KCNH8: variants seen among roughly 807,000 people sequenced by gnomAD.
KCNH8 encodes voltage-gated delayed rectifier potassium channel KCNH8.
In KCNH8, 70 loss-of-function variants were observed where a neutral mutation model predicts 103.6. The observed-to-expected ratio is 0.68, with a 90% CI of 0.56 to 0.82. The LOEUF (loss-of-function observed/expected upper bound fraction) is 0.82, where lower values mean the gene tolerates loss of function less well. Ranked by LOEUF, KCNH8 falls within the 40% of genes least tolerant of loss-of-function variation. KCNH8 has a pLI of 0.00. For missense variants in KCNH8, 1,217 were observed against 1,329.9 expected (o/e 0.92, Z 1.32); for synonymous variants, 498 against 489.4 (o/e 1.02, Z -0.23).
At position 19,437,009 on chromosome 3, in the gene KCNH8, A is replaced by G. The variant is rs144566417; in HGVS notation, c.1178-1155A>G. On this transcript the variant is annotated intron_variant, in intron 7 of 15. Coordinates refer to ENST00000328405, the MANE Select transcript of KCNH8 (RefSeq NM_144633.3). ...AAGCACTTCTCCTTGGTCTCAAGGAATTCCCAGCTGCTTCAAATTTGCATT... is the reference window on the plus strand; with the variant it reads ...AAGCACTTCTCCTTGGTCTCAAGGAGTTCCCAGCTGCTTCAAATTTGCATT... Among the ~76,000 whole-genome samples the G allele has an allele frequency of 8.1e-4, 124 of 152,284 alleles. 1 individual carries two copies. The highest frequency in any genetic ancestry group is 2.9e-3 in the African/African-American group (120 of 41,562).
intron 5 of KCNH8, among the ~76,000 whole-genome samples, chr3:19,360,704 C>A (rs1430427480): frequency 6.6e-6 from 1 of 151,936 alleles, no homozygotes; most frequent in Non-Finnish European, 1.5e-5. Context: ...TTTTATATAT[C>A]TCTGATACTG....
At chr3:19,491,589 C>CT (rs1559354071) in intron 11 of KCNH8, among the ~76,000 whole-genome samples, 2 of 152,172 alleles carry the variant, frequency 1.3e-5, no homozygotes, top group African/African-American at 4.8e-5. Flanking sequence ...CAATCCACCA[C>CT]TGACGGTCAC....
intron 7 of KCNH8, among the ~76,000 whole-genome samples, chr3:19,423,718 T>C (rs1027433391): frequency 5.9e-5 from 9 of 152,066 alleles, no homozygotes; most frequent in African/African-American, 2.2e-4. Flanking sequence ...TATTTTTCAA[T>C]TGCGAATTGT....
At chr3:19,429,160 CTCTTTTTTTT>C (rs1289857138) in intron 7 of KCNH8, among the ~76,000 whole-genome samples, 23 of 126,268 alleles carry the variant, frequency 1.8e-4, no homozygotes, top group Non-Finnish European at 3.3e-4. Flanking sequence ...TCAGAATCCA[CTCTTTTTTTT>C]TTTTTTTTTT....
intron 3 of KCNH8, among the ~76,000 whole-genome samples, chr3:19,314,570 TAAACAAAC>T (rs534699231): frequency 4.5e-4 from 69 of 151,778 alleles, no homozygotes; most frequent in African/African-American, 1.2e-3. Context: ...ACCCTGTCTC[TAAACAAAC>T]AAACAAACAA....
intron 5 of KCNH8, among the ~76,000 whole-genome samples, chr3:19,371,600 A>T (rs1313363163): frequency 6.7e-6 from 1 of 149,850 alleles, no homozygotes; most frequent in Non-Finnish European, 1.5e-5. Context: ...GCTGTGCAGA[A>T]GCTCTTTAGT....
intron 1 of KCNH8, among the ~76,000 whole-genome samples, chr3:19,207,210 G>A (rs574556058): frequency 6.6e-6 from 1 of 151,948 alleles, no homozygotes; most frequent in Admixed American, 6.6e-5. Flanking sequence ...AAGCATCAGG[G>A]GTAAAAAAAG....
chr3:19,255,057 G>A (rs1032696306), intron 2 of KCNH8, among the ~76,000 whole-genome samples: 7 of 152,102 alleles, frequency 4.6e-5, no homozygotes, highest in African/African-American at 1.4e-4. Flanking sequence ...AAGGCCATAA[G>A]GGTGGGGACC....
intron 1 of KCNH8, among the ~76,000 whole-genome samples, chr3:19,192,132 G>A (rs527471383): frequency 6.6e-6 from 1 of 151,602 alleles, no homozygotes; most frequent in South Asian, 2.1e-4. Context: ...TCTAAAGACA[G>A]GAATTTTCCC....
intron 11 of KCNH8, among the ~76,000 whole-genome samples, chr3:19,468,873 G>A (rs1037419005): frequency 6.6e-6 from 1 of 152,138 alleles, no homozygotes; most frequent in African/African-American, 2.4e-5. Flanking sequence ...AACATCTCTT[G>A]ATGCCTATGT....
intron 11 of KCNH8, among the ~76,000 whole-genome samples, chr3:19,472,933 T>G (rs2067893493): frequency 6.6e-6 from 1 of 152,196 alleles, no homozygotes; most frequent in Non-Finnish European, 1.5e-5. Flanking sequence ...GGTAAGAATG[T>G]CAATGTTATT....
chr3:19,462,610 TA>T (rs2067656011), intron 11 of KCNH8, among the ~76,000 whole-genome samples: 1 of 152,186 alleles, frequency 6.6e-6, no homozygotes, highest in Non-Finnish European at 1.5e-5. Flanking sequence ...ACTCTGATGG[TA>T]GTTTCTTTTG....
chr3:19,362,644 AGTATTT>A (rs1340770969), intron 5 of KCNH8, among the ~76,000 whole-genome samples: 1 of 151,966 alleles, frequency 6.6e-6, no homozygotes, highest in African/African-American at 2.4e-5. Flanking sequence ...GTATTTCCTC[AGTATTT>A]GTTTTTGTTT....
chr3:19,199,012 T>A (rs2125215919), intron 1 of KCNH8, among the ~76,000 whole-genome samples: 1 of 152,224 alleles, frequency 6.6e-6, no homozygotes, highest in Admixed American at 6.6e-5. Flanking sequence ...AAAGACTGAC[T>A]GGCTGACCAA....
chr3:19,502,454 C>T lies in KCNH8; in HGVS notation c.2041-7909C>T, dbSNP rs980219996. Among the ~76,000 whole-genome samples, 11 of 152,042 alleles carry T rather than the reference C, an allele frequency of 7.2e-5. No individual in the cohort carries two copies. The South Asian group carries it at 8.3e-4, about 12-fold the overall frequency. On this transcript the variant is annotated intron_variant, in intron 11 of 15. Coordinates refer to ENST00000328405, the MANE Select transcript of KCNH8 (RefSeq NM_144633.3). ...GTTCATATGGAACCGAAAAAGAGCC[C>T]GCATCGCCAAGTCAATCCTGAGCCA...
chr3:19,362,828 T>C (rs573199710), intron 5 of KCNH8, among the ~76,000 whole-genome samples: 1 of 152,160 alleles, frequency 6.6e-6, no homozygotes, highest in Non-Finnish European at 1.5e-5. Flanking sequence ...CTGGCTAATT[T>C]TGTTGTTTTT....
At chr3:19,262,667 T>G (rs989819491) in intron 2 of KCNH8, among the ~76,000 whole-genome samples, 3 of 152,002 alleles carry the variant, frequency 2.0e-5, no homozygotes, top group African/African-American at 7.2e-5. Flanking sequence ...AGAATGTACT[T>G]TTAAATAGAA....
chr3:19,451,438 G>A, intron 10 of KCNH8, 34 bp downstream of exon 10: 2 of 1,600,626 alleles, frequency 1.2e-6, no homozygotes, highest in Middle Eastern at 1.7e-4. Context: ...TATGAAATTT[G>A]ACTCTGGAGC....
chr3:19,504,836 A>T (rs2068659394), intron 11 of KCNH8, among the ~76,000 whole-genome samples: 1 of 152,088 alleles, frequency 6.6e-6, no homozygotes, highest in African/African-American at 2.4e-5. Context: ...TATATACCCA[A>T]ATGAATATAC....
Sources: gnomAD v4.1 joint callset for allele counts (sites outside exome capture counted in the v4.1 genomes callset) on GRCh38, gnomAD v4.1.1 for gene constraint, MANE v1.5 for transcripts, NCBI Gene and HGNC (gene_info 2026-07-23, HGNC 2026-07-21) for gene names.